CFAP97: variants seen among roughly 807,000 people sequenced by gnomAD.
CFAP97 encodes the protein cilia- and flagella-associated protein 97.
CFAP97 carries 36 observed loss-of-function variants against 43.1 expected under a neutral mutation model. The ratio of observed to expected loss-of-function variants is 0.84; its 90% confidence interval spans 0.64 to 1.10. The LOEUF is 1.10. Among genes scored for constraint, CFAP97 ranks in the 50% least tolerant of loss-of-function variants. The probability of loss-of-function intolerance (pLI) is 0.00; values close to 1 mark genes in which losing one functional copy is unlikely to be tolerated. For synonymous variants in CFAP97, 228 were observed against 225.7 expected (o/e 1.01, Z -0.09); for missense variants, 657 against 620.3 (o/e 1.06, Z -0.63).
In CFAP97 at chr4:185,203,012, A is replaced by T. The variant is rs1160468846; in HGVS notation, c.-17+886T>A. ...ATAAAATTAAAGGATAGTTCATCAG[A>T]CCATAACAACCCTTTGGTGCTCAAT... On this transcript the variant is annotated intron_variant, in intron 1 of 4. Transcript: ENST00000458385. Among the ~76,000 whole-genome samples the T allele has an allele frequency of 3.3e-5, 5 of 152,218 alleles. No homozygotes were observed. In the South Asian group the frequency reaches 6.2e-4, roughly 19 times the overall value.
chr4:185,172,853 A>G (rs774784731), intron 3 of CFAP97, among the ~76,000 whole-genome samples: 3,220 of 146,418 alleles, frequency 0.022, 69 homozygotes, highest in South Asian at 0.055. Context: ...ATCTCTACAA[A>G]AAAAAAAAAA....
At chr4:185,183,875 C>A (rs780799489) in intron 2 of CFAP97, among the ~76,000 whole-genome samples, 2 of 152,300 alleles carry the variant, frequency 1.3e-5, no homozygotes, top group South Asian at 2.1e-4. Flanking sequence ...ATGAATAAAG[C>A]TTCCCTTCTA....
intron 2 of CFAP97, among the ~76,000 whole-genome samples, chr4:185,180,616 T>C (rs1027150775): frequency 9.2e-5 from 14 of 152,012 alleles, no homozygotes; most frequent in Middle Eastern, 3.4e-3. Flanking sequence ...GTAATACTTC[T>C]GTATTTTTTT....
At chr4:185,176,130 T>TATTTTG (rs1735530668) in intron 2 of CFAP97, 79 bp from the exon 3 acceptor site, 1 of 1,146,398 alleles carries the variant, frequency 8.7e-7, no homozygotes. Flanking sequence ...TTTCTCTTTT[T>TATTTTG]AGACGGAGTT....
intron 1 of CFAP97, among the ~76,000 whole-genome samples, chr4:185,200,544 G>A (rs1178087889): frequency 6.6e-6 from 1 of 152,150 alleles, no homozygotes; most frequent in East Asian, 1.9e-4. Context: ...GGAGGCTGAG[G>A]CATGGGAATC....
chr4:185,207,180 C>T (rs1306735692), upstream of CFAP97, among the ~76,000 whole-genome samples: 1 of 143,664 alleles, frequency 7.0e-6, no homozygotes, highest in African/African-American at 2.6e-5. Flanking sequence ...CCAATCCAGT[C>T]AAATTGACAC....
At chr4:185,169,908 A>G (rs1191971806) in intron 3 of CFAP97, 8 of 989,666 alleles carry the variant, frequency 8.1e-6, no homozygotes, top group East Asian at 1.1e-4. Flanking sequence ...CCAATGAAGT[A>G]AAGTATACAT....
At chr4:185,195,243 G>C (rs1736485788) in intron 1 of CFAP97, among the ~76,000 whole-genome samples, 1 of 152,166 alleles carries the variant, frequency 6.6e-6, no homozygotes, top group African/African-American at 2.4e-5. Flanking sequence ...AATCTCAGCA[G>C]TTAGGGAGGC....
chr4:185,199,089 T>C (rs977187817), intron 1 of CFAP97, among the ~76,000 whole-genome samples: 2 of 151,462 alleles, frequency 1.3e-5, no homozygotes, highest in Non-Finnish European at 2.9e-5. Context: ...TTAGGGCCCT[T>C]AGGCTGGGTA....
intron 2 of CFAP97, among the ~76,000 whole-genome samples, chr4:185,183,331 GCT>G (rs1280605404): frequency 6.6e-6 from 1 of 152,186 alleles, no homozygotes; most frequent in Non-Finnish European, 1.5e-5. Flanking sequence ...CCTCAGCTGT[GCT>G]CTGATGGGCT....
chr4:185,185,050 A>C (rs1735954434), intron 2 of CFAP97, among the ~76,000 whole-genome samples: 1 of 152,220 alleles, frequency 6.6e-6, no homozygotes, highest in Non-Finnish European at 1.5e-5. Context: ...AGACATATTG[A>C]ACATTTTAAT....
At chr4:185,191,955 C>A (rs1230956872) in intron 1 of CFAP97, among the ~76,000 whole-genome samples, 1 of 152,018 alleles carries the variant, frequency 6.6e-6, no homozygotes, top group African/African-American at 2.4e-5. Flanking sequence ...GAATAATAGT[C>A]AAAAAATAAA....
At chr4:185,205,257 C>G (rs1400382381), upstream of CFAP97, among the ~76,000 whole-genome samples, 1 of 152,176 alleles carries the variant, frequency 6.6e-6, no homozygotes, top group Non-Finnish European at 1.5e-5. Context: ...AGTTCAAGAC[C>G]AGCCTGACTA....
At chr4:185,209,745 G>C (rs1560886068), upstream of CFAP97, 1 of 983,910 alleles carries the variant, frequency 1.0e-6, no homozygotes, top group Non-Finnish European at 1.2e-6. This position sits in a 1 kb window ranked among gnomAD's most constrained non-coding sequence, Gnocchi z 5.2. Flanking sequence ...AGGCATGAGC[G>C]CGGGCTCCCC....
rs1333974792 is a variant in CFAP97, at chr4:185,191,208, T to C, written c.-12A>G. ...CCAAACTGATCCATGATGGCAAAAA[T>C]ATATCTGAAAAAAAAATGTAAACAT... is the stretch of plus-strand genomic sequence containing the variant. On this transcript the variant is annotated 5_prime_UTR_variant, in exon 2 of 5. In the 5' UTR this introduces an upstream ATG that the reference lacks. Transcript: ENST00000458385. 2.7e-6 allele frequency: 4 copies of C among 1,461,498 alleles called. No homozygotes were observed. Among genetic ancestry groups the C allele is most frequent in the Non-Finnish European group, 3.6e-6 (4 of 1,112,944 alleles). 90.5% of individuals were successfully genotyped at this position (1,461,498 alleles called of 1,614,324 possible). A position where few individuals can be genotyped will look rare whatever the true frequency, so the allele number is the denominator to read the frequency against.
rs141489642 is a variant in CFAP97 at position 185,162,555 on chromosome 4, C to T, written c.*243G>A. 8.9e-4 allele frequency: 415 copies of T among 466,474 alleles called. 1 individual carries two copies. Among genetic ancestry groups the T allele is most frequent in the African/African-American group, 7.7e-3 (380 of 49,060 alleles). The allele number at this position is 466,474 out of a possible 1,614,324, so 28.9% of individuals were successfully genotyped here. A position where few individuals can be genotyped will look rare whatever the true frequency, so the allele number is the denominator to read the frequency against. On this transcript the variant is annotated 3_prime_UTR_variant, in exon 5 of 5. Coordinates refer to ENST00000458385, the MANE Select transcript of CFAP97 (RefSeq NM_020827.3). Reference sequence around the variant, plus strand: ...ACTGAATAATTAGAAGATACACATGCATACCACTATTTCTCTATTAAGAAC... The same window carrying T: ...ACTGAATAATTAGAAGATACACATGTATACCACTATTTCTCTATTAAGAAC...
chr4:185,204,643 G>T (rs1464688988), upstream of CFAP97, among the ~76,000 whole-genome samples: 1 of 152,244 alleles, frequency 6.6e-6, no homozygotes, highest in Non-Finnish European at 1.5e-5. Context: ...TTTAGCTGAT[G>T]TGATTAAGGA....
At position 185,193,097 on chromosome 4, in the gene CFAP97, C is replaced by T. The variant is rs368290360; in HGVS notation, c.-16-1885G>A. ...AAAAACCCCAGGACTCCTTCGCAGG[C>T]AGGGGACTGCATTTCTGGAGGCAAA... On this transcript the variant is annotated intron_variant, in intron 1 of 4. Coordinates refer to ENST00000458385, the MANE Select transcript of CFAP97 (RefSeq NM_020827.3). 1.2e-4 allele frequency among the ~76,000 whole-genome samples: 18 copies of T among 152,214 alleles called. 1 individual carries two copies. Among genetic ancestry groups the T allele is most frequent in the African/African-American group, 4.1e-4 (17 of 41,530 alleles).
At position 185,190,437 on chromosome 4, in the gene CFAP97, C is replaced by T; in HGVS notation, c.760G>A (p.Asp254Asn). The T allele has an allele frequency of 1.2e-6, 2 of 1,613,766 alleles. No homozygotes were observed. Among genetic ancestry groups the T allele is most frequent in the Non-Finnish European group, 1.7e-6 (2 of 1,179,770 alleles). ...YPEESEDTVT[D>N]VSPLSTPDIS... ...TCTGGAGTTGATAAGGGACTTACGT[C>T]AGTCACAGTATCTTCAGACTCCTCA... is the stretch of plus-strand genomic sequence containing the variant. Residue 254 changes from aspartate (D) to asparagine (N), a missense_variant, in exon 2 of 5, where the codon GAC (aspartate) becomes AAC (asparagine). Coordinates refer to ENST00000458385, the MANE Select transcript of CFAP97 (RefSeq NM_020827.3).
Sources: allele counts gnomAD v4.1 joint callset (sites outside exome capture counted in the v4.1 genomes callset), GRCh38; gene constraint gnomAD v4.1.1; non-coding constraint Gnocchi (gnomAD v3.1); transcripts MANE v1.5; gene names NCBI Gene and HGNC (gene_info 2026-07-23, HGNC 2026-07-21).